The following ABCA13 variants were observed in gnomAD, a reference collection of about 807,000 sequenced individuals.
The protein encoded by ABCA13 is ATP-binding cassette sub-family A member 13.
A neutral mutation model predicts 478.7 loss-of-function variants in ABCA13; 476 were observed. The ratio of observed to expected loss-of-function variants is 0.99; its 90% CI spans 0.92 to 1.07. The LOEUF (loss-of-function observed/expected upper bound fraction) is 1.07, where lower values mean the gene tolerates loss of function less well. Among genes scored for constraint, ABCA13 ranks in the 50% least tolerant of loss-of-function variants. ABCA13 has a pLI of 0.00. For missense variants in ABCA13, 6,060 were observed against 5,910.6 expected (o/e 1.03, Z -0.83); for synonymous variants, 2,252 against 2,158.9 (o/e 1.04, Z -1.20).
At chr7:48,495,894 A>G (rs1274405474) in intron 48 of ABCA13, among the ~76,000 whole-genome samples, 1 of 152,072 alleles carries the variant, frequency 6.6e-6, no homozygotes, top group Non-Finnish European at 1.5e-5. Context: ...TGTGAAATCT[A>G]TTTTATCTGA....
chr7:48,367,292 A>T (rs1811827164), intron 31 of ABCA13, among the ~76,000 whole-genome samples: 1 of 152,306 alleles, frequency 6.6e-6, no homozygotes, highest in South Asian at 2.1e-4. Context: ...GATGCCCTAG[A>T]TAAGAGTCAT....
At position 48,492,679 on chromosome 7, in the gene ABCA13, G is replaced by T. The variant is rs1829944821; in HGVS notation, c.13291+3335G>T. On this transcript the variant is annotated intron_variant, in intron 48 of 61. Coordinates refer to ENST00000435803, the MANE Select transcript of ABCA13 (RefSeq NM_152701.5). Reference sequence around the variant, plus strand: ...TACTTATTGCTGTTGCCATGCCCTTGGACTTCCCAGACTCCAAACACTGTA... The same window carrying T: ...TACTTATTGCTGTTGCCATGCCCTTTGACTTCCCAGACTCCAAACACTGTA... 1.3e-5 allele frequency among the ~76,000 whole-genome samples: 2 copies of T among 152,060 alleles called. 1 individual carries two copies. Among genetic ancestry groups the T allele is most frequent in the Admixed American group, 1.3e-4 (2 of 15,266 alleles).
At chr7:48,242,117 G>T (rs1478887084) in intron 10 of ABCA13, among the ~76,000 whole-genome samples, 1 of 152,000 alleles carries the variant, frequency 6.6e-6, no homozygotes, top group Non-Finnish European at 1.5e-5. Flanking sequence ...CTCCCTGCTG[G>T]TCTGTCACTT....
At position 48,251,282 on chromosome 7, in the gene ABCA13, G is replaced by A. The variant is rs1490380716; in HGVS notation, c.2005+1931G>A. Among the ~76,000 whole-genome samples the A allele has an allele frequency of 2.6e-5, 4 of 152,294 alleles. No homozygotes were observed. The East Asian group carries it at 7.7e-4, about 29-fold the overall frequency. On this transcript the variant is annotated intron_variant, in intron 15 of 61. Coordinates refer to ENST00000435803, the MANE Select transcript of ABCA13 (RefSeq NM_152701.5). ...TCTTTTCAGAAACAGGCTACAGAGAGTGATATGCAATAGTGGCAACAGGCT... is the reference window on the plus strand; with the variant it reads ...TCTTTTCAGAAACAGGCTACAGAGAATGATATGCAATAGTGGCAACAGGCT...
intron 4 of ABCA13, among the ~76,000 whole-genome samples, chr7:48,219,820 G>A (rs1366141780): frequency 1.3e-5 from 2 of 150,066 alleles, no homozygotes; most frequent in African/African-American, 4.9e-5. Context: ...ACACTCTTCG[G>A]CTGTTGTCTT....
chr7:48,530,097 T>C (rs934504319), intron 55 of ABCA13, among the ~76,000 whole-genome samples: 2 of 152,046 alleles, frequency 1.3e-5, no homozygotes, highest in Non-Finnish European at 1.5e-5. Context: ...TCCCCAAAAT[T>C]CATTGTATCA....
rs760368793 is a variant in ABCA13 at position 48,507,912 on chromosome 7, G to A, written c.13387G>A (p.Val4463Met). 1.6e-5 allele frequency: 25 copies of A among 1,612,652 alleles called. 1 individual carries two copies. In the Admixed American group the frequency reaches 1.8e-4, roughly 12 times the overall value. ...TCAGTGTGGAGTGGCCCTCTGCATCGTGCTGGGATTCTCCATCCTGTCTGC... is the reference window on the plus strand; with the variant it reads ...TCAGTGTGGAGTGGCCCTCTGCATCATGCTGGGATTCTCCATCCTGTCTGC... ...IRQCGVALCI[V>M]LGFSILSASI... The change falls in exon 50 of 62, where the codon GTG becomes ATG. Residue 4463 changes from valine (V) to methionine (M), a missense_variant. Around this residue, in one of 3 missense-constraint regions of ABCA13, gnomAD observed 1,627 missense variants for 1,571.0 expected, o/e 1.04. Coordinates refer to ENST00000435803, the MANE Select transcript of ABCA13 (RefSeq NM_152701.5).
At chr7:48,368,567 G>C (rs1585036654) in intron 32 of ABCA13, among the ~76,000 whole-genome samples, 1 of 151,514 alleles carries the variant, frequency 6.6e-6, no homozygotes, top group Non-Finnish European at 1.5e-5. Flanking sequence ...GTTTGGTTTT[G>C]CATTCCTGAG....
At chr7:48,220,799 T>G (rs1011656581) in intron 4 of ABCA13, among the ~76,000 whole-genome samples, 1 of 152,196 alleles carries the variant, frequency 6.6e-6, no homozygotes, top group Non-Finnish European at 1.5e-5. Context: ...AGAATTAAAT[T>G]TTTTTGAGAT....
Position 48,279,754 on chromosome 7 carries a change from A to G in ABCA13, c.8560A>G (p.Lys2854Glu), listed in dbSNP as rs1469536611. The stretch of plus-strand genomic sequence containing the variant: ...TCAGCCACTTTTTGAGATTTTCATT[A>G]AAGCAACCACCGGAAAGAATGTCAC... The part of the protein sequence containing the change: ...LFQPLFEIFI[K>E]ATTGKNVTSE... The change falls in exon 18 of 62, where the codon AAA becomes GAA. Residue 2854 changes from lysine (K) to glutamate (E), a missense_variant. This residue lies in a region of ABCA13 where 4,423 missense variants were observed against 4,309.1 expected (regional missense o/e 1.03). Coordinates refer to ENST00000435803, the MANE Select transcript of ABCA13 (RefSeq NM_152701.5). 1 of 1,612,670 alleles carries G rather than the reference A, an allele frequency of 6.2e-7. No homozygotes were observed. Among genetic ancestry groups the G allele is most frequent in the Non-Finnish European group, 8.5e-7 (1 of 1,179,574 alleles).
intron 51 of ABCA13, among the ~76,000 whole-genome samples, chr7:48,516,383 G>T (rs540252496): frequency 7.3e-4 from 111 of 152,262 alleles, no homozygotes; most frequent in African/African-American, 2.5e-3. Context: ...GGACCTGGGA[G>T]TCAGTGAGTT....
chr7:48,245,683 T>C (rs977371596), intron 12 of ABCA13, 71 bp downstream of exon 12: 37 of 1,513,070 alleles, frequency 2.4e-5, no homozygotes, highest in Non-Finnish European at 3.1e-5. Flanking sequence ...CAATATTCAG[T>C]TTTGCTCCTT....
chr7:48,587,120 T>G lies in ABCA13; in HGVS notation c.14506-34T>G. ...GCTGTCTGGTGGGCACTTTGGTGAA[T>G]GCTGGTGTGCACATGGACATGCCTC... On this transcript the variant is annotated intron_variant, in intron 56 of 61. Coordinates refer to ENST00000435803, the MANE Select transcript of ABCA13 (RefSeq NM_152701.5). The G allele has an allele frequency of 1.9e-6, 3 of 1,611,522 alleles. No homozygotes were observed. The South Asian group carries it at 3.3e-5, about 18-fold the overall frequency.
intron 57 of ABCA13, among the ~76,000 whole-genome samples, chr7:48,593,475 A>T (rs2131430916): frequency 6.6e-6 from 1 of 152,062 alleles, no homozygotes; most frequent in East Asian, 1.9e-4. Flanking sequence ...CCATTAAAAA[A>T]TTATTATAGC....
chr7:48,554,995 A>G (rs1785664502), intron 55 of ABCA13, among the ~76,000 whole-genome samples: 1 of 151,474 alleles, frequency 6.6e-6, no homozygotes, highest in African/African-American at 2.4e-5. Flanking sequence ...TATGACTTTT[A>G]TTATGTTAAG....
At chr7:48,450,652 G>A (rs1306315218) in intron 42 of ABCA13, among the ~76,000 whole-genome samples, 1 of 152,080 alleles carries the variant, frequency 6.6e-6, no homozygotes, top group Admixed American at 6.5e-5. Context: ...GATATATGAT[G>A]AGTGTCTTCC....
intron 28 of ABCA13, among the ~76,000 whole-genome samples, chr7:48,337,350 C>T (rs1806425002): frequency 1.3e-5 from 2 of 152,318 alleles, no homozygotes; most frequent in South Asian, 2.1e-4. Context: ...CTACCCTGCA[C>T]ATTGACTGGC....
chr7:48,426,666 A>G (rs1488553166), intron 41 of ABCA13, among the ~76,000 whole-genome samples: 1 of 152,206 alleles, frequency 6.6e-6, no homozygotes, highest in Admixed American at 6.5e-5. Context: ...GGATACGTGC[A>G]GAGGAAGGGG....
In ABCA13 at chr7:48,403,745, G is replaced by C; in HGVS notation, c.11936G>C (p.Gly3979Ala). The C allele has an allele frequency of 6.2e-7, 1 of 1,614,008 alleles. No homozygotes were observed. Among genetic ancestry groups the C allele is most frequent in the Non-Finnish European group, 8.5e-7 (1 of 1,179,888 alleles). The change falls in exon 39 of 62, where the codon GGC (glycine) becomes GCC (alanine). Residue 3979 changes from glycine (G) to alanine (A), a missense_variant. Physicochemically the swap from Gly to Ala is moderately conservative, Grantham distance 60. This residue lies in a region of ABCA13 where 1,627 missense variants were observed against 1,571.0 expected (regional missense o/e 1.04). Transcript: ENST00000435803. Reference protein sequence around the residue: ...QHKQTRALSGGLKRKLSLGIA... With the variant: ...QHKQTRALSGALKRKLSLGIA... Reference sequence around the variant, plus strand: ...AAACAGACCCGAGCTCTGTCTGGAGGCCTGAAGAGGAAGCTCTCCCTTGGC... The same window carrying C: ...AAACAGACCCGAGCTCTGTCTGGAGCCCTGAAGAGGAAGCTCTCCCTTGGC...
Sources: allele counts gnomAD v4.1 joint callset (sites outside exome capture counted in the v4.1 genomes callset), GRCh38; gene constraint gnomAD v4.1.1; regional missense constraint gnomAD v4.1.1; transcripts MANE v1.5; gene names NCBI Gene and HGNC (gene_info 2026-07-23, HGNC 2026-07-21).